The following ATP2B2 variants were observed in gnomAD, a reference collection of about 807,000 sequenced individuals.
The protein encoded by ATP2B2 is plasma membrane calcium-transporting ATPase 2.
A neutral mutation model predicts 120.0 loss-of-function variants in ATP2B2; 15 were observed. The observed-to-expected ratio is 0.12, with a 90% CI of 0.08 to 0.19. The LOEUF is 0.19. ATP2B2 is among the 10% of genes least tolerant of loss of function. The pLI is 1.00. For synonymous variants in ATP2B2, 694 were observed against 700.3 expected (o/e 0.99, Z 0.14); for missense variants, 1,045 against 1,719.8 (o/e 0.61, Z 6.94).
Position 10,343,469 on chromosome 3 carries a change from CA to C in ATP2B2, c.2704-505del, listed in dbSNP as rs1370257067. 9.9e-6 allele frequency among the ~76,000 whole-genome samples: 1 copy of C among 101,420 alleles called. No individual in the cohort carries two copies. Among genetic ancestry groups the C allele is most frequent in the Non-Finnish European group, 2.0e-5 (1 of 50,414 alleles). The allele number at this position is 101,420 out of a possible 152,430, so 66.5% of individuals were successfully genotyped here. A position where few individuals can be genotyped will look rare whatever the true frequency, so the allele number is the denominator to read the frequency against. On this transcript the variant is annotated intron_variant, in intron 18 of 22. Transcript: ENST00000360273. This position sits in a 1 kb window ranked among gnomAD's most constrained non-coding sequence, Gnocchi z 4.2. ...AAAATTATTGTGCGTATCTATGACT[CA>C]AAAATTAATACATTTCAAGGTAGGA...
intron 2 of ATP2B2, among the ~76,000 whole-genome samples, chr3:10,434,789 G>A (rs564753873): frequency 1.3e-5 from 2 of 152,254 alleles, no homozygotes; most frequent in East Asian, 3.8e-4. Context: ...CCAGGCCGAG[G>A]TGCCCTTGAG....
At chr3:10,379,336 G>A (rs1375866351) in intron 8 of ATP2B2, 52 bp from the exon 9 acceptor site, 2 of 1,591,120 alleles carry the variant, frequency 1.3e-6, no homozygotes, top group African/African-American at 1.3e-5. Context: ...ACACATGGTC[G>A]GTCATCACGA....
chr3:10,381,191 G>A (rs1024028204), intron 8 of ATP2B2, among the ~76,000 whole-genome samples: 2 of 152,210 alleles, frequency 1.3e-5, no homozygotes, highest in African/African-American at 4.8e-5. Flanking sequence ...CCATGGCAAA[G>A]GATCAGTTGC....
At chr3:10,655,331 C>A (rs1575596273) in intron 1 of ATP2B2, among the ~76,000 whole-genome samples, 1 of 99,990 alleles carries the variant, frequency 1.0e-5, no homozygotes, top group East Asian at 4.7e-4. Context: ...GCCCCTGCAC[C>A]AAGAACAGCA....
At chr3:10,652,154 C>T (rs1180710665) in intron 1 of ATP2B2, among the ~76,000 whole-genome samples, 1 of 152,156 alleles carries the variant, frequency 6.6e-6, no homozygotes, top group African/African-American at 2.4e-5. Flanking sequence ...CTGCCCACCT[C>T]AGCCCCAGAT....
intron 1 of ATP2B2, among the ~76,000 whole-genome samples, chr3:10,680,695 T>C (rs1394309180): frequency 1.3e-5 from 2 of 152,132 alleles, no homozygotes; most frequent in Admixed American, 1.3e-4. Context: ...AATAGAAACC[T>C]TTTACACATT....
At chr3:10,518,331 C>A (rs1405681012) in intron 3 of ATP2B2, among the ~76,000 whole-genome samples, 2 of 147,608 alleles carry the variant, frequency 1.4e-5, no homozygotes, top group South Asian at 2.2e-4. Context: ...GATGTGCTTG[C>A]CCCCCTCCAA....
intron 5 of ATP2B2, among the ~76,000 whole-genome samples, chr3:10,390,253 A>G (rs1474428783): frequency 6.6e-6 from 1 of 152,002 alleles, no homozygotes; most frequent in Non-Finnish European, 1.5e-5. Flanking sequence ...TGTTTTCAGC[A>G]TAACTTATCT....
upstream of ATP2B2, among the ~76,000 whole-genome samples, chr3:10,506,893 T>C (rs534792655): frequency 1.3e-5 from 2 of 152,350 alleles, no homozygotes; most frequent in East Asian, 3.9e-4. Context: ...AATACCAATT[T>C]GTCTCGTTAA....
chr3:10,337,187 G>A (rs1047812038), intron 22 of ATP2B2, among the ~76,000 whole-genome samples: 4 of 152,252 alleles, frequency 2.6e-5, no homozygotes, highest in Non-Finnish European at 4.4e-5. Context: ...GGGCTGTGAA[G>A]GTCACATGAG....
intron 2 of ATP2B2, among the ~76,000 whole-genome samples, chr3:10,558,666 A>G (rs2067833060): frequency 6.6e-6 from 1 of 152,310 alleles, no homozygotes; most frequent in South Asian, 2.1e-4. Flanking sequence ...CCCCAGTTTA[A>G]CCCTTAAACC....
intron 5 of ATP2B2, among the ~76,000 whole-genome samples, chr3:10,393,001 C>T (rs1404398919): frequency 6.6e-6 from 1 of 152,238 alleles, no homozygotes; most frequent in East Asian, 1.9e-4. Context: ...GCCCCCCTTC[C>T]CCAGCTCCAC....
intron 2 of ATP2B2, among the ~76,000 whole-genome samples, chr3:10,542,737 G>A (rs1291707566): frequency 6.6e-6 from 1 of 152,200 alleles, no homozygotes; most frequent in African/African-American, 2.4e-5. Flanking sequence ...TAGGTGAGAT[G>A]TTCTTTCTCA....
At chr3:10,671,072 C>T (rs111546796) in intron 1 of ATP2B2, among the ~76,000 whole-genome samples, 2,412 of 152,272 alleles carry the variant, frequency 0.016, 65 homozygotes, top group African/African-American at 0.054. Flanking sequence ...GTGGTCATGT[C>T]TCATCTAAAT....
rs915768834 is a variant in ATP2B2 at position 10,471,382 on chromosome 3, G to A, written c.-319-21520C>T. On this transcript the variant is annotated intron_variant, in intron 1 of 22. Transcript: ENST00000360273. ...AGGAAACCTGTGTGTGTGTGTGTGT[G>A]TGTGTGTGTGTGTGTGTTTGTGTGC... Among the ~76,000 whole-genome samples, 508 of 150,270 alleles carry A rather than the reference G, an allele frequency of 3.4e-3. 5 individuals carry two copies. The highest frequency in any genetic ancestry group is 5.3e-3 in the Non-Finnish European group (363 of 67,914).
At chr3:10,544,651 T>A (rs1232327065) in intron 2 of ATP2B2, among the ~76,000 whole-genome samples, 1 of 152,180 alleles carries the variant, frequency 6.6e-6, no homozygotes, top group Admixed American at 6.5e-5. Flanking sequence ...TCACAAACGA[T>A]GCTTCTGCCT....
intron 1 of ATP2B2, among the ~76,000 whole-genome samples, chr3:10,622,277 T>C (rs1008665799): frequency 1.3e-5 from 2 of 152,158 alleles, no homozygotes; most frequent in Non-Finnish European, 2.9e-5. Flanking sequence ...GAAAGATTGA[T>C]GAGCAATCTG....
chr3:10,477,156 A>G (rs977620510), intron 1 of ATP2B2, among the ~76,000 whole-genome samples: 1 of 152,144 alleles, frequency 6.6e-6, no homozygotes, highest in African/African-American at 2.4e-5. Flanking sequence ...CTCTCCTGCT[A>G]GTTGTCCCCA....
At chr3:10,352,664 C>T (rs535242214) in intron 14 of ATP2B2, among the ~76,000 whole-genome samples, 9 of 152,322 alleles carry the variant, frequency 5.9e-5, no homozygotes, top group East Asian at 1.9e-4. Flanking sequence ...CGTGCCACAG[C>T]GGCTAATCAC....
Sources: allele counts gnomAD v4.1 joint callset (sites outside exome capture counted in the v4.1 genomes callset), GRCh38; gene constraint gnomAD v4.1.1; non-coding constraint Gnocchi (gnomAD v3.1); transcripts MANE v1.5; gene names NCBI Gene and HGNC (gene_info 2026-07-23, HGNC 2026-07-21).